The following TOM1L1 variants were observed in gnomAD, a reference collection of about 807,000 sequenced individuals.
TOM1L1 encodes the protein target of myb1 like 1 membrane trafficking protein, also known as TOM1-like protein 1.
A neutral mutation model predicts 63.4 loss-of-function variants in TOM1L1; 64 were observed. The ratio of observed to expected loss-of-function variants is 1.01; its 90% CI spans 0.83 to 1.24. The LOEUF (loss-of-function observed/expected upper bound fraction) is 1.24. Ranked by LOEUF, TOM1L1 falls within the 50% of genes most tolerant of loss-of-function variation. The pLI is 0.00. For missense variants in TOM1L1, 536 were observed against 567.0 expected, an observed-to-expected ratio of 0.95 and a Z score of 0.55; for synonymous variants, 166 against 194.4, an observed-to-expected ratio of 0.85 and a Z score of 1.22.
rs961255939 is a variant in TOM1L1 at position 54,939,091 on chromosome 17, T to G, written c.1130+71T>G. 13 of 1,085,814 alleles carry G rather than the reference T, an allele frequency of 1.2e-5. No homozygotes were observed. The African/African-American group carries it at 1.8e-4, about 15-fold the overall frequency. The allele number at this position is 1,085,814 out of a possible 1,614,324, so 67.3% of individuals were successfully genotyped here. ...ATTCCTTACAATTAAGAAAACCTGATGGCTGGGCGCAGTGACTTACATCTG... is the reference window on the plus strand; with the variant it reads ...ATTCCTTACAATTAAGAAAACCTGAGGGCTGGGCGCAGTGACTTACATCTG... On this transcript the variant is annotated intron_variant, in intron 11 of 15. Coordinates refer to ENST00000575882, the MANE Select transcript of TOM1L1 (RefSeq NM_005486.3).
At chr17:54,919,591 T>A (rs2048647772) in intron 7 of TOM1L1, among the ~76,000 whole-genome samples, 1 of 152,216 alleles carries the variant, frequency 6.6e-6, no homozygotes, top group Non-Finnish European at 1.5e-5. Context: ...CAGGGCTGTG[T>A]TTTGCCTTGA....
chr17:54,948,103 A>G (rs372343449), intron 12 of TOM1L1, among the ~76,000 whole-genome samples: 55 of 152,142 alleles, frequency 3.6e-4, no homozygotes, highest in African/African-American at 1.2e-3. Context: ...TTTTACTTTT[A>G]AAATATGTCA....
rs1307909493 is a variant in TOM1L1, at chr17:54,961,256, A to G, written c.*23A>G. ...TTAGAAGAAAGTGGATGATCAGCTC[A>G]CTACCACATCAAAGGTGCCAACTCT... On this transcript the variant is annotated 3_prime_UTR_variant, in exon 16 of 16. Transcript: ENST00000575882. 2 of 1,549,702 alleles carry G rather than the reference A, an allele frequency of 1.3e-6. No homozygotes were observed. Among genetic ancestry groups the G allele is most frequent in the Non-Finnish European group, 1.7e-6 (2 of 1,145,216 alleles).
chr17:54,900,901 G>T lies in TOM1L1; in HGVS notation c.36G>T (p.Ala12=). 1.2e-6 allele frequency: 2 copies of T among 1,613,858 alleles called. No individual in the cohort carries two copies. The highest frequency in any genetic ancestry group is 1.7e-6 in the Non-Finnish European group (2 of 1,180,024). The change falls in exon 1 of 16, where the codon GCG becomes GCT. Residue 12 remains alanine, a synonymous_variant. Coordinates refer to ENST00000575882, the MANE Select transcript of TOM1L1 (RefSeq NM_005486.3). Reference sequence around the variant, plus strand: ...GCAAGAGTCACCGGGATCCCTACGCGACCTCCGTGGGCCACCTCATAGGTA... The same window carrying T: ...GCAAGAGTCACCGGGATCCCTACGCTACCTCCGTGGGCCACCTCATAGGTA... ...AFGKSHRDPY[A]TSVGHLIEKA... is the part of the protein sequence containing the mutation.
At chr17:54,901,018 T>C in intron 1 of TOM1L1, 95 bp downstream of exon 1, 1 of 1,537,334 alleles carries the variant, frequency 6.5e-7, no homozygotes, top group South Asian at 1.1e-5. Context: ...ACGGAGTTAG[T>C]CCAACTTGAA....
Position 54,903,823 on chromosome 17 carries a change from C to G in TOM1L1, c.143+31C>G, listed in dbSNP as rs188160522. On this transcript the variant is annotated intron_variant, in intron 2 of 15. Transcript: ENST00000575882. ...TACAGCATGGTTTCCATGTATTTGC[C>G]TCTGACAAGAAGCATCAGAACTACA... is the stretch of plus-strand genomic sequence containing the variant. 6.7e-5 allele frequency: 105 copies of G among 1,577,280 alleles called. No individual in the cohort carries two copies. In the African/African-American group the frequency reaches 1.3e-3, roughly 20 times the overall value.
chr17:54,948,335 GATTTTCTTCCTC>G (rs1232569992), intron 12 of TOM1L1, among the ~76,000 whole-genome samples: 2 of 152,014 alleles, frequency 1.3e-5, no homozygotes. Context: ...ACCCACCTGT[GATTTTCTTCCTC>G]ACTCCATTTT....
chr17:54,903,441 T>A (rs2048359429), intron 1 of TOM1L1, among the ~76,000 whole-genome samples: 1 of 152,260 alleles, frequency 6.6e-6, no homozygotes, highest in African/African-American at 2.4e-5. Context: ...AGGCGGAGAT[T>A]TAGCTGGCCT....
At chr17:54,959,909 A>G (rs2077070349) in intron 14 of TOM1L1, among the ~76,000 whole-genome samples, 1 of 152,098 alleles carries the variant, frequency 6.6e-6, no homozygotes, top group Non-Finnish European at 1.5e-5. Flanking sequence ...GAGCCACTGC[A>G]CTTGTCCTAA....
At chr17:54,943,467 T>TGTGA (rs2049064759) in intron 11 of TOM1L1, among the ~76,000 whole-genome samples, 2 of 151,430 alleles carry the variant, frequency 1.3e-5, no homozygotes, top group South Asian at 4.2e-4. Flanking sequence ...TGTGTGTGTG[T>TGTGA]GTGTGTGTGT....
chr17:54,914,010 T>C (rs74969989), intron 5 of TOM1L1, 137 bp downstream of exon 5: 109,229 of 960,872 alleles, frequency 0.11, 8,523 homozygotes, highest in East Asian at 0.37. Flanking sequence ...CAATATCTCA[T>C]AGAATAACCG....
At chr17:54,929,739 G>GGGTTT (rs1598030582) in intron 7 of TOM1L1, among the ~76,000 whole-genome samples, 1 of 98,458 alleles carries the variant, frequency 1.0e-5, no homozygotes, top group South Asian at 3.4e-4. Context: ...TAAAAAACAT[G>GGGTTT]TGTTTTTTTT....
At chr17:54,947,385 C>A in intron 12 of TOM1L1, 73 bp downstream of exon 12, 6 of 1,465,264 alleles carry the variant, frequency 4.1e-6, no homozygotes, top group South Asian at 2.3e-5. Context: ...AACTCATGGT[C>A]ATTAATTCCC....
At chr17:54,946,516 A>G (rs1467084605) in intron 11 of TOM1L1, among the ~76,000 whole-genome samples, 1 of 152,148 alleles carries the variant, frequency 6.6e-6, no homozygotes, top group Non-Finnish European at 1.5e-5. Flanking sequence ...TACAAGTCCC[A>G]TTGCCTCGGC....
intron 3 of TOM1L1, among the ~76,000 whole-genome samples, chr17:54,906,486 A>AAG (rs1016299958): frequency 5.3e-5 from 8 of 151,940 alleles, no homozygotes; most frequent in Non-Finnish European, 1.2e-4. Flanking sequence ...CAAAAAAAAA[A>AAG]AAAAAAAGTT....
chr17:54,933,799 G>T (rs1213793916), intron 8 of TOM1L1, among the ~76,000 whole-genome samples: 1 of 152,160 alleles, frequency 6.6e-6, no homozygotes, highest in Non-Finnish European at 1.5e-5. Context: ...GGAATTATAG[G>T]CGTGAGCTAC....
At position 54,905,563 on chromosome 17, in the gene TOM1L1, TGTCA is replaced by T. The variant is rs1434252596; in HGVS notation, c.221_222+2del. The T allele has an allele frequency of 6.4e-7, 1 of 1,558,194 alleles. No individual in the cohort carries two copies. The highest frequency in any genetic ancestry group is 8.8e-7 in the Non-Finnish European group (1 of 1,131,252). ...AATCATAAAGAAATCCAACTTACCT[TGTCA>T]GTAAGTACTTTAATTTTATAATTAA... On this transcript the variant is annotated frameshift_variant and splice_region_variant, in exon 3 of 16. Transcript: ENST00000575882. LOFTEE classifies it high-confidence loss of function.
chr17:54,937,077 G>A, intron 9 of TOM1L1, 32 bp from the exon 10 acceptor site: 1 of 1,419,542 alleles, frequency 7.0e-7, no homozygotes, highest in South Asian at 1.2e-5. Context: ...TAAACTACAT[G>A]ACACTTTTTT....
In TOM1L1 at chr17:54,934,882, T is replaced by C. The variant is rs2048921876; in HGVS notation, c.855-1767T>C. On this transcript the variant is annotated intron_variant, in intron 8 of 15. Coordinates refer to ENST00000575882, the MANE Select transcript of TOM1L1 (RefSeq NM_005486.3). ...AGAGACACATGCCACCACGCCCAGC[T>C]AATTTTTGTATTTTTAGTCAAGATG... is the stretch of plus-strand genomic sequence containing the variant. 3.3e-5 allele frequency among the ~76,000 whole-genome samples: 5 copies of C among 152,114 alleles called. No homozygotes were observed. The South Asian group carries it at 1.0e-3, about 31-fold the overall frequency.
Sources: allele counts gnomAD v4.1 joint callset (sites outside exome capture counted in the v4.1 genomes callset), GRCh38; gene constraint gnomAD v4.1.1; transcripts MANE v1.5; gene names NCBI Gene and HGNC (gene_info 2026-07-23, HGNC 2026-07-21).